The following PTPRC variants were observed in gnomAD, a reference collection of about 807,000 sequenced individuals.
PTPRC encodes receptor-type tyrosine-protein phosphatase C.
In PTPRC, 44 loss-of-function variants were observed where a neutral mutation model predicts 155.9. The observed-to-expected ratio is 0.28, with a 90% CI of 0.22 to 0.36. PTPRC has a LOEUF of 0.36. PTPRC is among the 10% of genes least tolerant of loss of function. PTPRC has a pLI of 1.00. For missense variants in PTPRC, 1,401 were observed against 1,564.6 expected (o/e 0.90, Z 1.76); for synonymous variants, 525 against 533.1 (o/e 0.98, Z 0.21).
At chr1:198,663,288 G>T (rs771722404) in intron 2 of PTPRC, among the ~76,000 whole-genome samples, 1 of 152,188 alleles carries the variant, frequency 6.6e-6, no homozygotes, top group African/African-American at 2.4e-5. Context: ...CAAGCTGGTG[G>T]TGGTAACAAT....
At chr1:198,681,901 C>T (rs1557993201) in intron 2 of PTPRC, among the ~76,000 whole-genome samples, 1 of 152,184 alleles carries the variant, frequency 6.6e-6, no homozygotes, top group African/African-American at 2.4e-5. Context: ...GCAGCTTCAA[C>T]GTCAACTAGA....
chr1:198,653,881 C>T (rs1231734604), intron 2 of PTPRC, among the ~76,000 whole-genome samples: 1 of 151,734 alleles, frequency 6.6e-6, no homozygotes, highest in Non-Finnish European at 1.5e-5. Flanking sequence ...TCTATTTTGT[C>T]CATGAATTTT....
rs531329699 is a variant in PTPRC, at chr1:198,716,589, T to A, written c.1292-93T>A. 14 of 1,133,384 alleles carry A rather than the reference T, an allele frequency of 1.2e-5. No homozygotes were observed. In the South Asian group the frequency reaches 1.6e-4, roughly 13 times the overall value. The allele number at this position is 1,133,384 out of a possible 1,614,324, so 70.2% of individuals were successfully genotyped here. ...AATCACTCAATAGTTTGGAGTTCAC[T>A]TGGAACAATGTGATGTAGAGACCAA... On this transcript the variant is annotated intron_variant, in intron 12 of 32. Transcript: ENST00000442510.
At chr1:198,752,429 G>T in intron 30 of PTPRC, 58 bp downstream of exon 30, 1 of 1,594,376 alleles carries the variant, frequency 6.3e-7, no homozygotes, top group South Asian at 1.1e-5. Flanking sequence ...GTAGCAAAAT[G>T]AATATAAATT....
chr1:198,693,940 G>C, intron 3 of PTPRC: 1 of 1,468,152 alleles, frequency 6.8e-7, no homozygotes, highest in Non-Finnish European at 9.1e-7. Flanking sequence ...TAGAGGGACA[G>C]AACTAATAGG....
intron 2 of PTPRC, among the ~76,000 whole-genome samples, chr1:198,646,531 T>C (rs990191432): frequency 6.6e-6 from 1 of 151,892 alleles, no homozygotes; most frequent in African/African-American, 2.4e-5. Flanking sequence ...TAATTTTTCA[T>C]TTTTGTCAAA....
chr1:198,641,218 A>G (rs1416436667), intron 2 of PTPRC, among the ~76,000 whole-genome samples: 3 of 152,050 alleles, frequency 2.0e-5, no homozygotes, highest in Non-Finnish European at 4.4e-5. Context: ...TTGTATCTGC[A>G]AATATTGTTT....
intron 24 of PTPRC, 39 bp from the exon 25 acceptor site, chr1:198,742,193 C>T (rs762782334): frequency 6.2e-7 from 1 of 1,611,914 alleles, no homozygotes; most frequent in Admixed American, 1.7e-5. Context: ...ACAGCTTTTC[C>T]ATGATCATGC....
At chr1:198,745,441 A>G (rs1405586102) in intron 26 of PTPRC, among the ~76,000 whole-genome samples, 1 of 151,838 alleles carries the variant, frequency 6.6e-6, no homozygotes, top group African/African-American at 2.4e-5. Flanking sequence ...TCATTTTTCA[A>G]GAAAATGTGA....
chr1:198,723,698 C>A (rs940726049), intron 15 of PTPRC, among the ~76,000 whole-genome samples: 1 of 152,170 alleles, frequency 6.6e-6, no homozygotes, highest in Admixed American at 6.5e-5. Flanking sequence ...CCTGGAAAGA[C>A]ACAGAACAAA....
At position 198,722,359 on chromosome 1, in the gene PTPRC, T is replaced by C; in HGVS notation, c.1660-57T>C. The C allele has an allele frequency of 5.4e-6, 4 of 740,934 alleles. No individual in the cohort carries two copies. The South Asian group carries it at 1.1e-4, about 21-fold the overall frequency. The allele number at this position is 740,934 out of a possible 1,614,324, so 45.9% of individuals were successfully genotyped here. On this transcript the variant is annotated intron_variant, in intron 14 of 32. Transcript: ENST00000442510. ...TACATTGTGATATATAATATATATA[T>C]ATATATAAATTCACATTAGCAAACT... is the stretch of plus-strand genomic sequence containing the variant.
At chr1:198,644,403 A>G (rs12086501) in intron 2 of PTPRC, among the ~76,000 whole-genome samples, 4,974 of 151,912 alleles carry the variant, frequency 0.033, 277 homozygotes, top group African/African-American at 0.11. Context: ...TCTATATAAT[A>G]CCCAAATATA....
intron 27 of PTPRC, among the ~76,000 whole-genome samples, chr1:198,748,567 A>G (rs1322718413): frequency 2.0e-5 from 3 of 151,768 alleles, no homozygotes; most frequent in Admixed American, 2.0e-4. Context: ...GACAAATAGT[A>G]AAAATTACAT....
rs1655516356 is a variant in PTPRC, at chr1:198,754,204, T to C, written c.3510-65T>C. 19 of 1,511,486 alleles carry C rather than the reference T, an allele frequency of 1.3e-5. No individual in the cohort carries two copies. The South Asian group carries it at 2.0e-4, about 16-fold the overall frequency. The allele number at this position is 1,511,486 out of a possible 1,614,324, so 93.6% of individuals were successfully genotyped here. A position where few individuals can be genotyped will look rare whatever the true frequency, so the allele number is the denominator to read the frequency against. Reference sequence around the variant, plus strand: ...AAATATATTCTCTCTCTTCCTGTTTTTATTCTAATATCACCCTTTTTGGTG... The same window carrying C: ...AAATATATTCTCTCTCTTCCTGTTTCTATTCTAATATCACCCTTTTTGGTG... On this transcript the variant is annotated intron_variant, in intron 31 of 32. Transcript: ENST00000442510.
intron 2 of PTPRC, chr1:198,679,129 GC>G (rs1359676517): frequency 4.9e-6 from 1 of 205,902 alleles, no homozygotes; most frequent in South Asian, 1.0e-4. Context: ...TCCCTGAGCT[GC>G]CCCCTACTTC....
chr1:198,649,380 T>C (rs751051457), intron 2 of PTPRC, among the ~76,000 whole-genome samples: 61 of 151,880 alleles, frequency 4.0e-4, no homozygotes, highest in Non-Finnish European at 6.3e-4. Context: ...TAAGGAAACA[T>C]AAATGAAGCA....
rs750737626 is a variant in PTPRC, at chr1:198,732,176, AT to A, written c.1975-117del. ...TCTTAATTTTGATTACTCTAAGCAA[AT>A]TTTTTTATCAATATGAAGAAAATAT... On this transcript the variant is annotated intron_variant, in intron 18 of 32. Coordinates refer to ENST00000442510, the MANE Select transcript of PTPRC (RefSeq NM_002838.5). The A allele has an allele frequency of 1.3e-3, 1,098 of 839,702 alleles. 4 individuals are homozygous for A. Among genetic ancestry groups the A allele is most frequent in the Non-Finnish European group, 1.5e-3 (757 of 515,130 alleles). 52.0% of individuals were successfully genotyped at this position (839,702 alleles called of 1,614,324 possible).
rs192097196 is a variant in PTPRC, at chr1:198,756,529, T to C, written c.*348T>C. 240 of 204,442 alleles carry C rather than the reference T, an allele frequency of 1.2e-3. No homozygotes were observed. Among genetic ancestry groups the C allele is most frequent in the East Asian group, 8.7e-3 (70 of 8,048 alleles). 12.7% of individuals were successfully genotyped at this position (204,442 alleles called of 1,614,324 possible). On this transcript the variant is annotated 3_prime_UTR_variant, in exon 33 of 33. Transcript: ENST00000442510. The stretch of plus-strand genomic sequence containing the variant: ...GAATCTAAAAGCTTTTGCTTTTCCT[T>C]TGTTTTTATGAAGAAAAAATACATT...
chr1:198,670,818 T>C (rs1664598495), intron 2 of PTPRC, among the ~76,000 whole-genome samples: 1 of 152,126 alleles, frequency 6.6e-6, no homozygotes, highest in African/African-American at 2.4e-5. Context: ...TTGCATCCTC[T>C]GATTCAGCCA....
Sources: gnomAD v4.1 joint callset for allele counts (sites outside exome capture counted in the v4.1 genomes callset) on GRCh38, gnomAD v4.1.1 for gene constraint, MANE v1.5 for transcripts, NCBI Gene and HGNC (gene_info 2026-07-23, HGNC 2026-07-21) for gene names.